The following NKTR variants were observed in gnomAD, a reference collection of about 807,000 sequenced individuals.
The protein encoded by NKTR is natural killer cell triggering receptor.
In NKTR, 67 loss-of-function variants were observed where a neutral mutation model predicts 156.3. The ratio of observed to expected loss-of-function variants is 0.43; its 90% CI spans 0.35 to 0.53. The LOEUF is 0.53. Among genes scored for constraint, NKTR ranks in the 20% least tolerant of loss-of-function variants. The pLI is 0.01. For synonymous variants in NKTR, 640 were observed against 596.6 expected (o/e 1.07, Z -1.06); for missense variants, 1,604 against 1,730.9 (o/e 0.93, Z 1.30).
chr3:42,638,761 A>G lies in NKTR; in HGVS notation c.3057A>G (p.Pro1019=), dbSNP rs1291486745. ...AGCAAGCATTTCACTGGCAGCCTCC[A>G]CTAGAATTTGGTGAAGAGGAGGAGG... ...KRKQAFHWQP[P]LEFGEEEEEE... is the part of the protein sequence containing the mutation. The change falls in exon 13 of 17, where the codon CCA becomes CCG. Residue 1019 remains proline, a synonymous_variant. Coordinates refer to ENST00000232978, the MANE Select transcript of NKTR (RefSeq NM_005385.4). 1.2e-6 allele frequency: 2 copies of G among 1,614,080 alleles called. No individual in the cohort carries two copies. Among genetic ancestry groups the G allele is most frequent in the Non-Finnish European group, 1.7e-6 (2 of 1,180,034 alleles).
rs1220585100 is a variant in NKTR, at chr3:42,646,642, C to G, written c.*667C>G. The stretch of plus-strand genomic sequence containing the variant: ...TTAACTATAAATACCTGCACTGTCT[C>G]TGAGGACTTACTATTTTATGTTCTT... On this transcript the variant is annotated 3_prime_UTR_variant, in exon 17 of 17. Transcript: ENST00000232978. 6.6e-6 allele frequency: 1 copy of G among 152,662 alleles called. No homozygotes were observed. Among genetic ancestry groups the G allele is most frequent in the African/African-American group, 2.4e-5 (1 of 41,466 alleles). 9.5% of individuals were successfully genotyped at this position (152,662 alleles called of 1,614,324 possible).
rs1333644276 is a variant in NKTR, at chr3:42,638,217, A to C, written c.2513A>C (p.Gln838Pro). The C allele has an allele frequency of 6.2e-7, 1 of 1,613,458 alleles. No individual in the cohort carries two copies. Among genetic ancestry groups the C allele is most frequent in the South Asian group, 1.1e-5 (1 of 90,950 alleles). ...CAAATGGAAAGAACACATAATAAAC[A>C]AGAAAAAAACAGAGGTGAAGAAAAA... ...QGQMERTHNK[Q>P]EKNRGEEKSK... Residue 838 changes from glutamine to proline, a missense_variant, in exon 13 of 17, where the codon CAA becomes CCA. Gln to Pro is a moderately conservative substitution (Grantham distance 76, BLOSUM62 -1). Around this residue, in one of 6 missense-constraint regions of NKTR, gnomAD observed 1,255 missense variants for 1,243.7 expected, o/e 1.01. Coordinates refer to ENST00000232978, the MANE Select transcript of NKTR (RefSeq NM_005385.4).
rs1436560681 is a variant in NKTR, at chr3:42,642,635, A to G, written c.4142+39A>G. On this transcript the variant is annotated intron_variant, in intron 14 of 16. Coordinates refer to ENST00000232978, the MANE Select transcript of NKTR (RefSeq NM_005385.4). ...CTCACCCTGTGATGTGGTCTCCATC[A>G]TGTCCACTTTTTAAGGCTACATAGG... The G allele has an allele frequency of 4.1e-6, 6 of 1,460,624 alleles. No homozygotes were observed. In the Admixed American group the frequency reaches 5.0e-5, roughly 12 times the overall value. The allele number at this position is 1,460,624 out of a possible 1,614,324, so 90.5% of individuals were successfully genotyped here. A position where few individuals can be genotyped will look rare whatever the true frequency, so the allele number is the denominator to read the frequency against.
chr3:42,633,549 C>T (rs200165260), intron 9 of NKTR, 31 bp from the exon 10 acceptor site: 68 of 1,593,456 alleles, frequency 4.3e-5, no homozygotes, highest in Admixed American at 1.8e-5. Context: ...AAACATTATA[C>T]ATTTTAATCA....
Position 42,637,803 on chromosome 3 carries a change from G to T in NKTR, c.2099G>T (p.Arg700Ile), listed in dbSNP as rs754644775. The T allele has an allele frequency of 2.5e-6, 4 of 1,613,922 alleles. No individual in the cohort carries two copies. The South Asian group carries it at 4.4e-5, about 18-fold the overall frequency. Residue 700 changes from arginine to isoleucine, a missense_variant, in exon 13 of 17, where the codon AGA becomes ATA. Coordinates refer to ENST00000232978, the MANE Select transcript of NKTR (RefSeq NM_005385.4). ...PRSRSRSSRS[R>I]SYSRSYTRSR... ...TCAAGGAGCAGATCTTCTAGGAGTAGATCTTATTCCAGATCATATACAAGA... is the reference window on the plus strand; with the variant it reads ...TCAAGGAGCAGATCTTCTAGGAGTATATCTTATTCCAGATCATATACAAGA...
rs192515908 is a variant in NKTR at position 42,603,588 on chromosome 3, C to T, written c.58+2524C>T. On this transcript the variant is annotated intron_variant, in intron 2 of 16. Coordinates refer to ENST00000232978, the MANE Select transcript of NKTR (RefSeq NM_005385.4). The stretch of plus-strand genomic sequence containing the variant: ...TAGATGTGATTAGCACTCTTGAGAA[C>T]GCCGAATCATATAAAACAAGGAAAT... Among the ~76,000 whole-genome samples, 867 of 151,634 alleles carry T rather than the reference C, an allele frequency of 5.7e-3. 3 individuals carry two copies. The highest frequency in any genetic ancestry group is 8.1e-3 in the Non-Finnish European group (549 of 67,836).
At chr3:42,634,063 T>C (rs1709161398) in intron 10 of NKTR, among the ~76,000 whole-genome samples, 1 of 152,224 alleles carries the variant, frequency 6.6e-6, no homozygotes, top group Non-Finnish European at 1.5e-5. Context: ...GAGGTTTTAG[T>C]TATCAGAATA....
At chr3:42,635,432 A>T (rs528926334) in intron 12 of NKTR, 66 bp downstream of exon 12, 3 of 1,230,828 alleles carry the variant, frequency 2.4e-6, no homozygotes, top group Non-Finnish European at 3.4e-6. Context: ...GGGATTGGAT[A>T]CAATTCTGGA....
At chr3:42,600,661 T>A (rs186802203), upstream of NKTR, 29 of 184,170 alleles carry the variant, frequency 1.6e-4, no homozygotes, top group East Asian at 3.9e-3. Context: ...TAGCGTGGCA[T>A]TGGGAGGCCC....
chr3:42,624,222 A>G (rs1341798789), intron 6 of NKTR, among the ~76,000 whole-genome samples: 1 of 151,732 alleles, frequency 6.6e-6, no homozygotes, highest in East Asian at 1.9e-4. Context: ...CTAGTACTGT[A>G]TTTGTCATAA....
intron 9 of NKTR, 92 bp downstream of exon 9, chr3:42,632,915 C>T: frequency 2.3e-6 from 3 of 1,316,792 alleles, no homozygotes; most frequent in Non-Finnish European, 2.9e-6. Flanking sequence ...ATTTTATTAC[C>T]TGTTATTGAA....
chr3:42,627,581 T>A (rs1453686757), intron 6 of NKTR: 4 of 985,038 alleles, frequency 4.1e-6, no homozygotes, highest in Non-Finnish European at 3.6e-6. Flanking sequence ...GGAGTAGCAG[T>A]GACACTTGTC....
rs571694991 is a variant in NKTR, at chr3:42,612,836, C to CT, written c.59-4726dup. Among the ~76,000 whole-genome samples the CT allele has an allele frequency of 2.9e-4, 44 of 151,664 alleles. 1 individual carries two copies. The highest frequency in any genetic ancestry group is 8.8e-5 in the Non-Finnish European group (6 of 67,862). On this transcript the variant is annotated intron_variant, in intron 2 of 16. Transcript: ENST00000232978. ...ATTCTACTGCCTGGATACTAGGAGGCTTTTTTTTCCATTTATGTCTCCAAA... is the reference window on the plus strand; with the variant it reads ...ATTCTACTGCCTGGATACTAGGAGGCTTTTTTTTTCCATTTATGTCTCCAAA...
chr3:42,615,082 C>CTTTTT (rs11409067), intron 2 of NKTR, among the ~76,000 whole-genome samples: 1 of 143,418 alleles, frequency 7.0e-6, no homozygotes, highest in African/African-American at 2.5e-5. Flanking sequence ...TTTGTTTTTT[C>CTTTTT]TTTTTTTTTT....
chr3:42,600,687 A>T lies in NKTR; in HGVS notation c.-115A>T, dbSNP rs1178419445. ...TGGGAGGCCCGGCCTGGGGGAGGAG[A>T]CGGCGTTCCGTTAGCGGCGTTGGGG... is the stretch of plus-strand genomic sequence containing the variant. On this transcript the variant is annotated 5_prime_UTR_variant, in exon 1 of 17. Transcript: ENST00000232978. 1 of 218,454 alleles carries T rather than the reference A, an allele frequency of 4.6e-6. No homozygotes were observed. The highest frequency in any genetic ancestry group is 2.3e-5 in the African/African-American group (1 of 43,392). The allele number at this position is 218,454 out of a possible 1,614,324, so 13.5% of individuals were successfully genotyped here.
At chr3:42,625,626 T>A (rs1708307012) in intron 6 of NKTR, among the ~76,000 whole-genome samples, 1 of 152,146 alleles carries the variant, frequency 6.6e-6, no homozygotes, top group African/African-American at 2.4e-5. Flanking sequence ...AAATGCTTTT[T>A]CTACCCACGT....
chr3:42,644,074 T>C, intron 16 of NKTR, 71 bp downstream of exon 16: 1 of 903,952 alleles, frequency 1.1e-6, no homozygotes, highest in Non-Finnish European at 1.8e-6. Context: ...GGGAGGGTGA[T>C]GGGCTGCTAG....
chr3:42,611,625 C>T (rs1302464970), intron 2 of NKTR, among the ~76,000 whole-genome samples: 2 of 151,012 alleles, frequency 1.3e-5, no homozygotes, highest in East Asian at 2.0e-4. Flanking sequence ...CCTAGCTACT[C>T]GGGAGGCTGA....
At chr3:42,643,865 T>G in intron 15 of NKTR, 37 bp from the exon 16 acceptor site, 1 of 1,452,220 alleles carries the variant, frequency 6.9e-7, no homozygotes, top group Non-Finnish European at 9.7e-7. Flanking sequence ...AGTATCTGAG[T>G]GGGAAAATTT....
Sources: allele counts gnomAD v4.1 joint callset (sites outside exome capture counted in the v4.1 genomes callset), GRCh38; gene constraint gnomAD v4.1.1; regional missense constraint gnomAD v4.1.1; transcripts MANE v1.5; gene names NCBI Gene and HGNC (gene_info 2026-07-23, HGNC 2026-07-21).